The following LRRC17 variants were observed in gnomAD, a reference collection of about 807,000 sequenced individuals.
LRRC17 encodes the protein leucine rich repeat containing 17, also known as leucine-rich repeat-containing protein 17.
A neutral mutation model predicts 41.5 loss-of-function variants in LRRC17; 33 were observed. The observed-to-expected ratio is 0.80, with a 90% CI of 0.60 to 1.06. LRRC17 has a LOEUF of 1.06. LRRC17 is among the 50% of genes least tolerant of loss of function. LRRC17 has a pLI of 0.00. For missense variants in LRRC17, 491 were observed against 519.3 expected (o/e 0.95, Z 0.53); for synonymous variants, 192 against 197.0 (o/e 0.97, Z 0.21).
chr7:102,933,822 A>G lies in LRRC17; in HGVS notation c.-92A>G. ...CTGGGTCTCATTGTTCCAGAACTGC[A>G]TTAGTTAAGATTACCCAGACTTGGA... On this transcript the variant is annotated 5_prime_UTR_variant, in exon 2 of 4. Transcript: ENST00000339431. 3 of 1,342,090 alleles carry G rather than the reference A, an allele frequency of 2.2e-6. No individual in the cohort carries two copies. Among genetic ancestry groups the G allele is most frequent in the African/African-American group, 1.5e-5 (1 of 67,810 alleles). The allele number at this position is 1,342,090 out of a possible 1,614,324, so 83.1% of individuals were successfully genotyped here.
intron 2 of LRRC17, among the ~76,000 whole-genome samples, chr7:102,939,018 T>G (rs1820870856): frequency 6.6e-6 from 1 of 152,232 alleles, no homozygotes; most frequent in Non-Finnish European, 1.5e-5. Context: ...CATTTATTTG[T>G]GGTTAACCCA....
chr7:102,926,232 G>A lies in LRRC17; in HGVS notation c.-140-7542G>A, dbSNP rs1174341735. The A allele has an allele frequency of 1.9e-6, 3 of 1,550,122 alleles. No individual in the cohort carries two copies. The South Asian group carries it at 3.5e-5, about 18-fold the overall frequency. Reference sequence around the variant, plus strand: ...CTAGAGCAAGCCAGAGACTTTGGGAGCATAATTTTTTTCAGTGTCATACAA... The same window carrying A: ...CTAGAGCAAGCCAGAGACTTTGGGAACATAATTTTTTTCAGTGTCATACAA... On this transcript the variant is annotated intron_variant, in intron 1 of 3. Coordinates refer to ENST00000339431, the MANE Select transcript of LRRC17 (RefSeq NM_001031692.3).
At chr7:102,937,716 A>T (rs1458292747) in intron 2 of LRRC17, among the ~76,000 whole-genome samples, 1 of 152,172 alleles carries the variant, frequency 6.6e-6, no homozygotes, top group Non-Finnish European at 1.5e-5. Flanking sequence ...TGTGCTTTAG[A>T]TTGATGATGA....
At chr7:102,940,370 C>T (rs1460558110) in intron 3 of LRRC17, among the ~76,000 whole-genome samples, 6 of 151,602 alleles carry the variant, frequency 4.0e-5, no homozygotes, top group Non-Finnish European at 8.8e-5. Context: ...CCACCACGCC[C>T]GGCTAATTTT....
chr7:102,925,364 C>T (rs1817921168), intron 1 of LRRC17, among the ~76,000 whole-genome samples: 1 of 152,182 alleles, frequency 6.6e-6, no homozygotes, highest in African/African-American at 2.4e-5. Context: ...CATTGCATTG[C>T]AGCCTGGGTG....
At chr7:102,925,353 C>T (rs920948888) in intron 1 of LRRC17, among the ~76,000 whole-genome samples, 4 of 152,150 alleles carry the variant, frequency 2.6e-5, no homozygotes, top group African/African-American at 4.8e-5. Flanking sequence ...CATGATTGTA[C>T]CATTGCATTG....
At chr7:102,932,018 ATTCATT>A in intron 1 of LRRC17, 61 of 1,256,754 alleles carry the variant, frequency 4.9e-5, no homozygotes, top group Non-Finnish European at 6.3e-5. Context: ...AATGCAATGT[ATTCATT>A]AGAAAACAAA....
At chr7:102,934,987 T>C (rs1057400026) in intron 2 of LRRC17, among the ~76,000 whole-genome samples, 6 of 152,098 alleles carry the variant, frequency 3.9e-5, no homozygotes, top group Non-Finnish European at 5.9e-5. Flanking sequence ...TAACTCCAAT[T>C]TAATTTAGGT....
At chr7:102,933,378 C>G (rs1488589328) in intron 1 of LRRC17, 2 of 152,168 alleles carry the variant, frequency 1.3e-5, no homozygotes, top group African/African-American at 2.4e-5. Flanking sequence ...CTTTGAATTT[C>G]TTAAATCCGA....
At chr7:102,931,858 TA>T in intron 1 of LRRC17, 1 of 1,609,738 alleles carries the variant, frequency 6.2e-7, no homozygotes, top group Non-Finnish European at 8.5e-7. Context: ...TAAACAGCAG[TA>T]AAAATGGTTG....
At chr7:102,917,263 T>C (rs772831272) in intron 1 of LRRC17, among the ~76,000 whole-genome samples, 4 of 152,212 alleles carry the variant, frequency 2.6e-5, no homozygotes, top group Non-Finnish European at 5.9e-5. Context: ...CTATAGATCA[T>C]GATAGTTCCT....
chr7:102,922,287 C>G (rs1817204987), intron 1 of LRRC17, among the ~76,000 whole-genome samples: 1 of 151,930 alleles, frequency 6.6e-6, no homozygotes, highest in South Asian at 2.1e-4. Flanking sequence ...TAAAACAATA[C>G]TTATCAAGTT....
intron 2 of LRRC17, among the ~76,000 whole-genome samples, chr7:102,935,825 G>C (rs1174303792): frequency 6.6e-6 from 1 of 152,198 alleles, no homozygotes; most frequent in African/African-American, 2.4e-5. Context: ...ATAGAGCACA[G>C]TATCATTTCT....
intron 1 of LRRC17, among the ~76,000 whole-genome samples, chr7:102,923,825 A>AAAAT (rs1420683746): frequency 2.0e-5 from 3 of 152,080 alleles, no homozygotes; most frequent in East Asian, 3.9e-4. Context: ...ATGCCATCTC[A>AAAAT]AAATAAATAA....
chr7:102,931,778 T>C (rs1005089536), intron 1 of LRRC17: 16 of 1,104,694 alleles, frequency 1.4e-5, no homozygotes, highest in African/African-American at 1.1e-4. Flanking sequence ...CTTTTCCACA[T>C]TGAATCCCAA....
At chr7:102,926,921 G>A (rs1818246944) in intron 1 of LRRC17, among the ~76,000 whole-genome samples, 1 of 152,116 alleles carries the variant, frequency 6.6e-6, no homozygotes, top group African/African-American at 2.4e-5. Context: ...CCAGATTTAT[G>A]GTAAGTTTGA....
chr7:102,913,789 T>C (rs1170981586), intron 1 of LRRC17, among the ~76,000 whole-genome samples: 1 of 152,234 alleles, frequency 6.6e-6, no homozygotes, highest in Non-Finnish European at 1.5e-5. Flanking sequence ...AGTTTCATTA[T>C]TATAGTTAAA....
At chr7:102,929,515 T>C (rs1818754982) in intron 1 of LRRC17, among the ~76,000 whole-genome samples, 1 of 151,782 alleles carries the variant, frequency 6.6e-6, no homozygotes. Context: ...AATTCAAAAA[T>C]TAGCCAGGTG....
intron 1 of LRRC17, among the ~76,000 whole-genome samples, chr7:102,929,432 C>T (rs1386786865): frequency 6.6e-5 from 10 of 151,952 alleles, no homozygotes; most frequent in South Asian, 6.2e-4. Flanking sequence ...GAGGCCGAGG[C>T]GGGTGGATCA....
Sources: allele counts gnomAD v4.1 joint callset (sites outside exome capture counted in the v4.1 genomes callset), GRCh38; gene constraint gnomAD v4.1.1; transcripts MANE v1.5; gene names NCBI Gene and HGNC (gene_info 2026-07-23, HGNC 2026-07-21).